ADARB2: variants seen among roughly 807,000 people sequenced by gnomAD.
The protein encoded by ADARB2 is adenosine deaminase RNA specific B2 (inactive), also known as inactive double-stranded RNA-specific editase B2.
In ADARB2, 25 loss-of-function variants were observed where a neutral mutation model predicts 62.2. The observed-to-expected ratio is 0.40, with a 90% CI of 0.29 to 0.56. ADARB2 has a LOEUF of 0.56. Among genes scored for constraint, ADARB2 ranks in the 20% least tolerant of loss-of-function variants. The pLI is 0.43. For missense variants in ADARB2, 1,071 were observed against 1,077.4 expected, an observed-to-expected ratio of 0.99 and a Z score of 0.08; for synonymous variants, 572 against 500.8, an observed-to-expected ratio of 1.14 and a Z score of -1.90.
intron 1 of ADARB2, among the ~76,000 whole-genome samples, chr10:1,696,733 T>G (rs374551863): frequency 7.2e-5 from 11 of 152,278 alleles, no homozygotes; most frequent in African/African-American, 2.6e-4. Context: ...TAGGGCATTC[T>G]GCTCAGGACC....
intron 1 of ADARB2, among the ~76,000 whole-genome samples, chr10:1,544,287 G>A (rs1160460969): frequency 6.6e-6 from 1 of 152,208 alleles, no homozygotes; most frequent in Non-Finnish European, 1.5e-5. Flanking sequence ...AGTGGCCACA[G>A]CCCCTCCCGT....
At chr10:1,719,304 C>A (rs1835058865) in intron 1 of ADARB2, among the ~76,000 whole-genome samples, 2 of 152,200 alleles carry the variant, frequency 1.3e-5, no homozygotes, top group African/African-American at 4.8e-5. Flanking sequence ...TACAGTCTCA[C>A]ACACTCCTCT....
At chr10:1,242,442 C>T in intron 4 of ADARB2, 143 bp from the exon 5 acceptor site, 1 of 1,144,666 alleles carries the variant, frequency 8.7e-7, no homozygotes, top group Non-Finnish European at 1.2e-6. Flanking sequence ...GGAAGCGAGG[C>T]TTCTGTGTGC....
intron 1 of ADARB2, among the ~76,000 whole-genome samples, chr10:1,448,687 T>G (rs1056791392): frequency 1.8e-4 from 27 of 152,198 alleles, no homozygotes; most frequent in African/African-American, 6.5e-4. Flanking sequence ...GGGCCAGACA[T>G]GTAAGTTTCC....
chr10:1,295,406 C>T (rs1831514257), intron 3 of ADARB2, among the ~76,000 whole-genome samples: 1 of 152,136 alleles, frequency 6.6e-6, no homozygotes, highest in Non-Finnish European at 1.5e-5. Context: ...GCACTTTTGA[C>T]CTCTTTAAGT....
At chr10:1,495,650 G>C (rs1053725858) in intron 1 of ADARB2, among the ~76,000 whole-genome samples, 1 of 66,170 alleles carries the variant, frequency 1.5e-5, no homozygotes, top group Non-Finnish European at 4.1e-5. Flanking sequence ...ATGATGAAAA[G>C]TACAAACTTT....
At chr10:1,283,632 A>G (rs1021081790) in intron 3 of ADARB2, among the ~76,000 whole-genome samples, 16 of 152,152 alleles carry the variant, frequency 1.1e-4, no homozygotes, top group Non-Finnish European at 2.4e-4. Flanking sequence ...TGGAGTGTTG[A>G]TGATCGTGAG....
chr10:1,346,544 G>A (rs1324819071), intron 3 of ADARB2, among the ~76,000 whole-genome samples: 1 of 152,218 alleles, frequency 6.6e-6, no homozygotes, highest in African/African-American at 2.4e-5. Context: ...GCATTTGTGG[G>A]GAGGAAGACA....
intron 1 of ADARB2, among the ~76,000 whole-genome samples, chr10:1,381,434 A>T (rs992415855): frequency 1.3e-5 from 2 of 152,250 alleles, no homozygotes; most frequent in South Asian, 2.1e-4. Context: ...TGGTGAGGAC[A>T]TGGGGAAATG....
intron 1 of ADARB2, among the ~76,000 whole-genome samples, chr10:1,695,106 C>A (rs985735442): frequency 1.4e-4 from 22 of 152,270 alleles, no homozygotes; most frequent in African/African-American, 5.3e-4. Flanking sequence ...CTGAAAACAG[C>A]GCATCTGTTC....
chr10:1,734,837 A>C (rs566461388), intron 1 of ADARB2, among the ~76,000 whole-genome samples: 2 of 152,324 alleles, frequency 1.3e-5, no homozygotes, highest in South Asian at 4.1e-4. Context: ...CTATTCATTT[A>C]TGGTTGTTAA....
At chr10:1,555,810 C>T (rs1347826193) in intron 1 of ADARB2, among the ~76,000 whole-genome samples, 2 of 152,170 alleles carry the variant, frequency 1.3e-5, no homozygotes, top group Non-Finnish European at 2.9e-5. Flanking sequence ...TGGCGTGCGC[C>T]TGTAACCCCA....
chr10:1,271,519 G>C (rs976608445), intron 3 of ADARB2, among the ~76,000 whole-genome samples: 1 of 152,186 alleles, frequency 6.6e-6, no homozygotes, highest in Non-Finnish European at 1.5e-5. Context: ...TGGCGCTGTG[G>C]CTCTCTCCAC....
At chr10:1,206,469 C>T (rs1266989856) in intron 7 of ADARB2, among the ~76,000 whole-genome samples, 3 of 150,514 alleles carry the variant, frequency 2.0e-5, no homozygotes, top group Admixed American at 6.6e-5. Context: ...CGTGCCTGTG[C>T]GTCTGAGAGA....
At chr10:1,405,656 T>G (rs948478827) in intron 1 of ADARB2, among the ~76,000 whole-genome samples, 45 of 147,820 alleles carry the variant, frequency 3.0e-4, no homozygotes, top group African/African-American at 1.1e-3. Flanking sequence ...AAAAAAAATT[T>G]AAGATGTTTC....
At chr10:1,248,426 A>T (rs1831006758) in intron 4 of ADARB2, among the ~76,000 whole-genome samples, 1 of 151,474 alleles carries the variant, frequency 6.6e-6, no homozygotes, top group African/African-American at 2.4e-5. Context: ...TCTCCAGCTG[A>T]CCAAACAGGA....
At chr10:1,511,939 GT>G (rs1376098971) in intron 1 of ADARB2, among the ~76,000 whole-genome samples, 2 of 151,624 alleles carry the variant, frequency 1.3e-5, no homozygotes, top group Non-Finnish European at 1.5e-5. Flanking sequence ...AGTTTATGCT[GT>G]CTATACTAGA....
chr10:1,479,716 C>T (rs149108594), intron 1 of ADARB2, among the ~76,000 whole-genome samples: 5 of 152,288 alleles, frequency 3.3e-5, no homozygotes, highest in African/African-American at 1.2e-4. Flanking sequence ...GGTCAATTTA[C>T]TTAGTTATTT....
chr10:1,429,099 T>A (rs1012008764), intron 1 of ADARB2, among the ~76,000 whole-genome samples: 1 of 152,176 alleles, frequency 6.6e-6, no homozygotes. Context: ...CTGGTTGTGA[T>A]GGTGTGCTCT....
Sources: allele counts gnomAD v4.1 joint callset (sites outside exome capture counted in the v4.1 genomes callset), GRCh38; gene constraint gnomAD v4.1.1; transcripts MANE v1.5; gene names NCBI Gene and HGNC (gene_info 2026-07-23, HGNC 2026-07-21).